PKDCC: variants seen among roughly 807,000 people sequenced by gnomAD.
PKDCC encodes the protein extracellular tyrosine-protein kinase PKDCC.
Under a neutral mutation model 44.7 loss-of-function variants are expected in PKDCC, and 35 were observed. That is an observed-to-expected ratio of 0.78 (90% CI 0.60 to 1.04). PKDCC has a LOEUF of 1.04. PKDCC is among the 50% of genes least tolerant of loss of function. The pLI is 0.00. For synonymous variants in PKDCC, 353 were observed against 303.3 expected (o/e 1.16, Z -1.70); for missense variants, 738 against 672.7 (o/e 1.10, Z -1.07).
Position 42,051,807 on chromosome 2 carries a change from G to A in PKDCC, c.640-1432G>A, listed in dbSNP as rs574402953. Among the ~76,000 whole-genome samples, 4 of 152,242 alleles carry A rather than the reference G, an allele frequency of 2.6e-5. No individual in the cohort carries two copies. The highest frequency in any genetic ancestry group is 4.1e-4 in the South Asian group (2 of 4,822). The stretch of plus-strand genomic sequence containing the variant: ...CAGCAGGATGACGGGGAGCTGAGGG[G>A]GCACTCCTAGGGCGGGAAGAGGACA... On this transcript the variant is annotated intron_variant, in intron 1 of 6. Coordinates refer to ENST00000294964, the MANE Select transcript of PKDCC (RefSeq NM_138370.3). This position sits in a 1 kb window ranked among gnomAD's most constrained non-coding sequence, Gnocchi z 4.2.
chr2:42,048,080 A>G lies in PKDCC; in HGVS notation c.-120A>G, dbSNP rs1258325190. The G allele has an allele frequency of 6.4e-6, 3 of 468,600 alleles. No individual in the cohort carries two copies. Among genetic ancestry groups the G allele is most frequent in the Non-Finnish European group, 7.9e-6 (3 of 379,732 alleles). 29.0% of individuals were successfully genotyped at this position (468,600 alleles called of 1,614,324 possible). On this transcript the variant is annotated 5_prime_UTR_variant, in exon 1 of 7. It removes an upstream start codon present in the reference 5' UTR. Coordinates refer to ENST00000294964, the MANE Select transcript of PKDCC (RefSeq NM_138370.3). This position sits in a 1 kb window ranked among gnomAD's most constrained non-coding sequence, Gnocchi z 6.2. ...GGCCGGGGTCGGGGCCGCCGGGGCC[A>G]TGCGCGCGGGCTGGGCAGGGGGCCG...
At position 42,051,123 on chromosome 2, in the gene PKDCC, T is replaced by C. The variant is rs1667959165; in HGVS notation, c.640-2116T>C. On this transcript the variant is annotated intron_variant, in intron 1 of 6. Coordinates refer to ENST00000294964, the MANE Select transcript of PKDCC (RefSeq NM_138370.3). This position sits in a 1 kb window ranked among gnomAD's most constrained non-coding sequence, Gnocchi z 4.2. ...CCAGAATTGGTGCTGTGGATTCTAA[T>C]AGAAAATGCCCAGGCTAGCAGGCCC... Among the ~76,000 whole-genome samples the C allele has an allele frequency of 6.6e-6, 1 of 152,120 alleles. No homozygotes were observed. Among genetic ancestry groups the C allele is most frequent in the Admixed American group, 6.5e-5 (1 of 15,288 alleles).
chr2:42,054,151 T>G lies in PKDCC; in HGVS notation c.878T>G (p.Val293Gly). 1.2e-6 allele frequency: 2 copies of G among 1,613,254 alleles called. No homozygotes were observed. The highest frequency in any genetic ancestry group is 8.5e-7 in the Non-Finnish European group (1 of 1,179,710). Residue 293 changes from valine to glycine, a missense_variant, in exon 3 of 7, where the codon GTG (valine) becomes GGG (glycine). Coordinates refer to ENST00000294964, the MANE Select transcript of PKDCC (RefSeq NM_138370.3). The surrounding 1 kb of genome is among the most constrained non-coding windows in gnomAD (Gnocchi z 6.1). ...GTGCTGGTGGATGGGGAGCTCAAAGTGACGGACCTGGATGACGCACGTGTG... is the reference window on the plus strand; with the variant it reads ...GTGCTGGTGGATGGGGAGCTCAAAGGGACGGACCTGGATGACGCACGTGTG... ...QFVLVDGELK[V>G]TDLDDARVEE...
At position 42,055,933 on chromosome 2, in the gene PKDCC, G is replaced by T. The variant is rs534276179; in HGVS notation, c.1222+540G>T. Among the ~76,000 whole-genome samples, 161 of 152,304 alleles carry T rather than the reference G, an allele frequency of 1.1e-3. 1 individual carries two copies. Among genetic ancestry groups the T allele is most frequent in the Non-Finnish European group, 2.0e-3 (134 of 68,026 alleles). On this transcript the variant is annotated intron_variant, in intron 5 of 6. Transcript: ENST00000294964. This position sits in a 1 kb window ranked among gnomAD's most constrained non-coding sequence, Gnocchi z 4.5. ...GCCAAGAAGCCCCAGGGCAGGGGGA[G>T]AATTCTGGCCACTGGTTTCAGGCTG... is the stretch of plus-strand genomic sequence containing the variant.
Position 42,048,650 on chromosome 2 carries a change from G to GC in PKDCC, c.453dup (p.Val152ArgfsTer20), listed in dbSNP as rs1558430444. 6.5e-7 allele frequency: 1 copy of GC among 1,544,868 alleles called. No homozygotes were observed. The highest frequency in any genetic ancestry group is 1.2e-5 in the South Asian group (1 of 83,984). On this transcript the variant is annotated frameshift_variant, in exon 1 of 7. Coordinates refer to ENST00000294964, the MANE Select transcript of PKDCC (RefSeq NM_138370.3). LOFTEE classifies it high-confidence loss of function. The surrounding 1 kb of genome is among the most constrained non-coding windows in gnomAD (Gnocchi z 6.2). The stretch of plus-strand genomic sequence containing the variant: ...GTACATGGGCTCAGGCTACACCAAG[G>GC]CCGTGTACCGGGTCCGCCTGCCCGG...
At chr2:42,056,661 G>A (rs554862974) in intron 5 of PKDCC, among the ~76,000 whole-genome samples, 6 of 152,202 alleles carry the variant, frequency 3.9e-5, no homozygotes, top group East Asian at 1.9e-4. Flanking sequence ...CACTTCGGGA[G>A]GCTGAGATGG....
chr2:42,053,096 A>G, intron 1 of PKDCC, 143 bp from the exon 2 acceptor site: 11 of 905,098 alleles, frequency 1.2e-5, no homozygotes, highest in Non-Finnish European at 1.6e-5. Context: ...CTTCCCAGGC[A>G]ACGCTGCCAT....
chr2:42,058,036 T>C lies in PKDCC; in HGVS notation c.*348T>C. On this transcript the variant is annotated 3_prime_UTR_variant, in exon 7 of 7. Transcript: ENST00000294964. The surrounding 1 kb of genome is among the most constrained non-coding windows in gnomAD (Gnocchi z 4.2). ...TGGGCAGCCCCATCACTGTGTTCAATAGTGTGAGAATGTAGCTAAAGCCCC... is the reference window on the plus strand; with the variant it reads ...TGGGCAGCCCCATCACTGTGTTCAACAGTGTGAGAATGTAGCTAAAGCCCC... 3.4e-6 allele frequency: 1 copy of C among 291,508 alleles called. No homozygotes were observed. Among genetic ancestry groups the C allele is most frequent in the Non-Finnish European group, 6.5e-6 (1 of 153,368 alleles). 18.1% of individuals were successfully genotyped at this position (291,508 alleles called of 1,614,324 possible). A position where few individuals can be genotyped will look rare whatever the true frequency, so the allele number is the denominator to read the frequency against.
Position 42,054,976 on chromosome 2 carries a change from C to A in PKDCC, c.1070C>A (p.Pro357Gln). ...FFTYLLPHSA[P>Q]PSLRPLLDSI... is the part of the protein sequence containing the mutation. ...ACATACCTCCTGCCTCACAGTGCCC[C>A]GCCTTCACTGCGTCCTCTGCTGGAC... Residue 357 changes from proline (P) to glutamine (Q), a missense_variant, in exon 4 of 7, where the codon CCG (proline) becomes CAG (glutamine). Physicochemically the swap from Pro to Gln is moderately conservative, Grantham distance 76. Coordinates refer to ENST00000294964, the MANE Select transcript of PKDCC (RefSeq NM_138370.3). This position sits in a 1 kb window ranked among gnomAD's most constrained non-coding sequence, Gnocchi z 6.1. 6.2e-7 allele frequency: 1 copy of A among 1,614,132 alleles called. No homozygotes were observed. Among genetic ancestry groups the A allele is most frequent in the Non-Finnish European group, 8.5e-7 (1 of 1,179,984 alleles).
In PKDCC at chr2:42,054,989, T is replaced by C; in HGVS notation, c.1083T>C (p.Arg361=). Residue 361 remains arginine (R), a synonymous_variant, in exon 4 of 7, where the codon CGT becomes CGC. Coordinates refer to ENST00000294964, the MANE Select transcript of PKDCC (RefSeq NM_138370.3). This position sits in a 1 kb window ranked among gnomAD's most constrained non-coding sequence, Gnocchi z 6.1. ...LLPHSAPPSL[R]PLLDSIVNAT... is the part of the protein sequence containing the mutation. Reference sequence around the variant, plus strand: ...CTCACAGTGCCCCGCCTTCACTGCGTCCTCTGCTGGACAGCATCGTCAACG... The same window carrying C: ...CTCACAGTGCCCCGCCTTCACTGCGCCCTCTGCTGGACAGCATCGTCAACG... The C allele has an allele frequency of 6.2e-7, 1 of 1,614,082 alleles. No individual in the cohort carries two copies. The highest frequency in any genetic ancestry group is 8.5e-7 in the Non-Finnish European group (1 of 1,179,980).
Position 42,048,191 on chromosome 2 carries a change from A to AG in PKDCC, c.-5dup. The AG allele has an allele frequency of 9.3e-7, 1 of 1,076,648 alleles. No homozygotes were observed. Among genetic ancestry groups the AG allele is most frequent in the Admixed American group, 6.0e-5 (1 of 16,532 alleles). The allele number at this position is 1,076,648 out of a possible 1,614,324, so 66.7% of individuals were successfully genotyped here. On this transcript the variant is annotated 5_prime_UTR_variant, in exon 1 of 7. Transcript: ENST00000294964. The surrounding 1 kb of genome is among the most constrained non-coding windows in gnomAD (Gnocchi z 6.2). ...CGCGCGGGGCCGGCCGGCCGGGGGG[A>AG]GGGGAGCGATGCGGCGCCGGCGGGC...
Position 42,057,387 on chromosome 2 carries a change from C to T in PKDCC, c.1389C>T (p.Thr463=). The T allele has an allele frequency of 6.2e-7, 1 of 1,614,150 alleles. No homozygotes were observed. ...CCTTTGTGGTCACCAACCAGACCACCTGGACAGGTGAGCCAGTGGGAGAAG... is the reference window on the plus strand; with the variant it reads ...CCTTTGTGGTCACCAACCAGACCACTTGGACAGGTGAGCCAGTGGGAGAAG... ...CRAFVVTNQT[T]WTGRQLVFFK... is the part of the protein sequence containing the mutation. Residue 463 remains threonine (T), a synonymous_variant, in exon 6 of 7, where the codon ACC becomes ACT. Transcript: ENST00000294964.
rs1056193226 is a variant in PKDCC, at chr2:42,057,753, T to C, written c.*65T>C. 2.9e-6 allele frequency: 4 copies of C among 1,389,690 alleles called. No individual in the cohort carries two copies. The African/African-American group carries it at 5.7e-5, about 20-fold the overall frequency. The allele number at this position is 1,389,690 out of a possible 1,614,324, so 86.1% of individuals were successfully genotyped here. A position where few individuals can be genotyped will look rare whatever the true frequency, so the allele number is the denominator to read the frequency against. On this transcript the variant is annotated 3_prime_UTR_variant, in exon 7 of 7. Coordinates refer to ENST00000294964, the MANE Select transcript of PKDCC (RefSeq NM_138370.3). ...CAGCTGGGCTTGCCTGTGGAGGGAG[T>C]GACTTGCACTGGCAGCACTGCATGT...
At chr2:42,049,983 C>G (rs1667939568) in intron 1 of PKDCC, among the ~76,000 whole-genome samples, 1 of 152,214 alleles carries the variant, frequency 6.6e-6, no homozygotes, top group East Asian at 1.9e-4. Flanking sequence ...AGGAGTCCCT[C>G]TCTCCTTTCC....
rs960291396 is a variant in PKDCC at position 42,053,599 on chromosome 2, C to T, written c.762+238C>T. On this transcript the variant is annotated intron_variant, in intron 2 of 6. Coordinates refer to ENST00000294964, the MANE Select transcript of PKDCC (RefSeq NM_138370.3). Reference sequence around the variant, plus strand: ...CTCCTTGTGCGCGTGTACACACCAGCTTGTGGGGGCTGGCACCTTAAAGAG... The same window carrying T: ...CTCCTTGTGCGCGTGTACACACCAGTTTGTGGGGGCTGGCACCTTAAAGAG... 28 of 569,880 alleles carry T rather than the reference C, an allele frequency of 4.9e-5. No homozygotes were observed. The Admixed American group carries it at 8.4e-4, about 17-fold the overall frequency. The allele number at this position is 569,880 out of a possible 1,614,324, so 35.3% of individuals were successfully genotyped here.
Position 42,057,248 on chromosome 2 carries a change from T to A in PKDCC, c.1250T>A (p.Ile417Asn), listed in dbSNP as rs764631344. The A allele has an allele frequency of 2.4e-5, 39 of 1,614,020 alleles. No individual in the cohort carries two copies. The highest frequency in any genetic ancestry group is 4.0e-5 in the African/African-American group (3 of 74,906). ...TEYQCIPDST[I>N]PQEDYRCWPS... Reference sequence around the variant, plus strand: ...TACCAGTGTATCCCAGACAGCACCATCCCCCAGGAAGACTACCGCTGCTGG... The same window carrying A: ...TACCAGTGTATCCCAGACAGCACCAACCCCCAGGAAGACTACCGCTGCTGG... The change falls in exon 6 of 7, where the codon ATC (isoleucine) becomes AAC (asparagine). Residue 417 changes from isoleucine to asparagine, a missense_variant. Transcript: ENST00000294964.
chr2:42,048,310 G>A lies in PKDCC; in HGVS notation c.111G>A (p.Gln37=). ...GCTCGGAGCCTCCGAGGCCAGGCCA[G>A]TCCCCTGAGCCTTCGCCGGCCCCGG... ...APGSEPPRPG[Q]SPEPSPAPGP... Residue 37 remains glutamine, a synonymous_variant, in exon 1 of 7, where the codon CAG becomes CAA. Transcript: ENST00000294964. This position sits in a 1 kb window ranked among gnomAD's most constrained non-coding sequence, Gnocchi z 6.2. The A allele has an allele frequency of 8.1e-7, 1 of 1,232,100 alleles. No homozygotes were observed. Among genetic ancestry groups the A allele is most frequent in the Non-Finnish European group, 1.0e-6 (1 of 985,496 alleles). The allele number at this position is 1,232,100 out of a possible 1,614,324, so 76.3% of individuals were successfully genotyped here. A position where few individuals can be genotyped will look rare whatever the true frequency, so the allele number is the denominator to read the frequency against.
Position 42,057,931 on chromosome 2 carries a change from C to A in PKDCC, c.*243C>A. The A allele has an allele frequency of 1.9e-6, 1 of 533,534 alleles. No homozygotes were observed. The highest frequency in any genetic ancestry group is 3.4e-6 in the Non-Finnish European group (1 of 297,738). 33.0% of individuals were successfully genotyped at this position (533,534 alleles called of 1,614,324 possible). ...TCCAGGAATCATGGGGGTATGACTG[C>A]CTCTCCAACCCTGTGGGCTGTAAGC... On this transcript the variant is annotated 3_prime_UTR_variant, in exon 7 of 7. Transcript: ENST00000294964.
chr2:42,054,343 G>A lies in PKDCC; in HGVS notation c.1034+36G>A. 6.4e-7 allele frequency: 1 copy of A among 1,568,078 alleles called. No homozygotes were observed. Among genetic ancestry groups the A allele is most frequent in the South Asian group, 1.2e-5 (1 of 85,414 alleles). On this transcript the variant is annotated intron_variant, in intron 3 of 6. Transcript: ENST00000294964. This position sits in a 1 kb window ranked among gnomAD's most constrained non-coding sequence, Gnocchi z 6.1. ...CCCCTGACTCGGGAACTCCATCGAA[G>A]GAGAATGGGCCAGGAGGGCATGGCA...
Sources: allele counts gnomAD v4.1 joint callset (sites outside exome capture counted in the v4.1 genomes callset), GRCh38; gene constraint gnomAD v4.1.1; non-coding constraint Gnocchi (gnomAD v3.1); transcripts MANE v1.5; gene names NCBI Gene and HGNC (gene_info 2026-07-23, HGNC 2026-07-21).